Variants in TSHZ2 observed in about 807,000 individuals in gnomAD.
TSHZ2 encodes teashirt zinc finger homeobox 2.
TSHZ2 carries 21 observed loss-of-function variants against 74.4 expected under a neutral mutation model. The ratio of observed to expected loss-of-function variants is 0.28; its 90% CI spans 0.20 to 0.41. The LOEUF (loss-of-function observed/expected upper bound fraction) is 0.41. Ranked by LOEUF, TSHZ2 falls within the 10% of genes least tolerant of loss-of-function variation. The pLI is 1.00. For synonymous variants in TSHZ2, 540 were observed against 515.3 expected, an observed-to-expected ratio of 1.05 and a Z score of -0.65; for missense variants, 1,244 against 1,293.5, an observed-to-expected ratio of 0.96 and a Z score of 0.59.
intron 2 of TSHZ2, among the ~76,000 whole-genome samples, chr20:53,439,695 T>C (rs898247206): frequency 2.6e-5 from 4 of 152,140 alleles, no homozygotes; most frequent in African/African-American, 9.7e-5. Flanking sequence ...AAGATATGAG[T>C]TGGAAGCGCT....
chr20:53,485,071 A>G (rs973505322), intron 2 of TSHZ2, among the ~76,000 whole-genome samples: 8 of 152,234 alleles, frequency 5.3e-5, no homozygotes, highest in African/African-American at 1.9e-4. Flanking sequence ...AATCCAGAGC[A>G]AAGTTCTTGG....
At position 53,170,395 on chromosome 20, in the gene TSHZ2, G is replaced by T. The variant is rs78464603; in HGVS notation, c.41-83104G>T. Among the ~76,000 whole-genome samples the T allele has an allele frequency of 6.4e-3, 971 of 152,306 alleles. 11 individuals are homozygous for T. The highest frequency in any genetic ancestry group is 0.023 in the African/African-American group (945 of 41,562). On this transcript the variant is annotated intron_variant, in intron 1 of 2. Transcript: ENST00000371497. The stretch of plus-strand genomic sequence containing the variant: ...TACAGTTTTGTATTTCCTAGCAAGC[G>T]TATGCCAAAATCTGAGTCTGCTTCC...
intron 1 of TSHZ2, among the ~76,000 whole-genome samples, chr20:53,154,356 A>C (rs6097261): frequency 0.085 from 12,966 of 152,242 alleles, 1,411 homozygotes; most frequent in African/African-American, 0.26. Flanking sequence ...CATTAGAAAT[A>C]AGTGTCTTTT....
intron 1 of TSHZ2, among the ~76,000 whole-genome samples, chr20:53,096,922 CAAAACAAAAACAAAAAACAA>C (rs1986069218): frequency 6.6e-6 from 1 of 150,598 alleles, no homozygotes; most frequent in Non-Finnish European, 1.5e-5. Context: ...AAACAAAAAA[CAAAACAAAAACAAAAAACAA>C]AAAACAAAAA....
intron 1 of TSHZ2, among the ~76,000 whole-genome samples, chr20:53,022,513 C>T (rs1218514222): frequency 6.6e-6 from 1 of 152,174 alleles, no homozygotes; most frequent in East Asian, 1.9e-4. Context: ...CTTGTACATG[C>T]AGAATGCCTG....
At chr20:53,285,721 GA>G (rs11421719) in intron 2 of TSHZ2, among the ~76,000 whole-genome samples, 1 of 147,910 alleles carries the variant, frequency 6.8e-6, no homozygotes, top group Non-Finnish European at 1.5e-5. Context: ...CATCTCAAGA[GA>G]AAAAAAAAAG....
At chr20:53,345,825 G>C (rs1242666886) in intron 2 of TSHZ2, among the ~76,000 whole-genome samples, 1 of 151,320 alleles carries the variant, frequency 6.6e-6, no homozygotes, top group Non-Finnish European at 1.5e-5. Flanking sequence ...AGGCGGTGGC[G>C]TGATCACGTG....
At chr20:53,418,052 G>C (rs1417292198) in intron 2 of TSHZ2, among the ~76,000 whole-genome samples, 1 of 152,230 alleles carries the variant, frequency 6.6e-6, no homozygotes, top group Non-Finnish European at 1.5e-5. Context: ...CGCCATAAGA[G>C]TGGCTGTGGC....
rs1047030265 is a variant in TSHZ2, at chr20:53,488,948, T to C, written c.*1813T>C. ...TGCATAACCTAGATGGGAAAAAATA[T>C]GGCGCTTCGGGGAAGGAGGGAAAAA... On this transcript the variant is annotated 3_prime_UTR_variant, in exon 3 of 3. Coordinates refer to ENST00000371497, the MANE Select transcript of TSHZ2 (RefSeq NM_173485.6). The C allele has an allele frequency of 4.4e-6, 2 of 455,310 alleles. No homozygotes were observed. The highest frequency in any genetic ancestry group is 3.1e-5 in the South Asian group (2 of 64,532). 28.2% of individuals were successfully genotyped at this position (455,310 alleles called of 1,614,324 possible).
At chr20:53,408,583 G>C (rs1235111587) in intron 2 of TSHZ2, among the ~76,000 whole-genome samples, 4 of 151,964 alleles carry the variant, frequency 2.6e-5, no homozygotes, top group Admixed American at 6.5e-5. Flanking sequence ...GAAATCCATC[G>C]ATTTCCAAAT....
chr20:53,264,620 A>G (rs574689234), intron 2 of TSHZ2, among the ~76,000 whole-genome samples: 3 of 152,358 alleles, frequency 2.0e-5, no homozygotes, highest in African/African-American at 7.2e-5. Context: ...CTTTAGCCCA[A>G]ATATATGCCT....
intron 2 of TSHZ2, among the ~76,000 whole-genome samples, chr20:53,437,988 CTCTTT>C (rs1223973556): frequency 6.6e-6 from 1 of 152,190 alleles, no homozygotes; most frequent in Non-Finnish European, 1.5e-5. Context: ...CAAAATAAAC[CTCTTT>C]TCTTTCTAAA....
At chr20:53,185,303 C>G in intron 1 of TSHZ2, 1 of 1,047,950 alleles carries the variant, frequency 9.5e-7, no homozygotes, top group Non-Finnish European at 1.2e-6. Flanking sequence ...CTAGAACACA[C>G]CCGACATGTA....
chr20:52,999,392 G>A (rs1982326157), intron 1 of TSHZ2, among the ~76,000 whole-genome samples: 1 of 152,192 alleles, frequency 6.6e-6, no homozygotes, highest in Admixed American at 6.5e-5. Context: ...GGGTGGCAAA[G>A]GGAGGGAAGG....
At chr20:53,272,591 A>G (rs1276190841) in intron 2 of TSHZ2, among the ~76,000 whole-genome samples, 3 of 152,232 alleles carry the variant, frequency 2.0e-5, no homozygotes, top group Admixed American at 2.0e-4. Flanking sequence ...TCAAATACAT[A>G]AAAGTACACA....
chr20:53,058,575 G>A (rs941785142), intron 1 of TSHZ2, among the ~76,000 whole-genome samples: 6 of 152,170 alleles, frequency 3.9e-5, no homozygotes, highest in Admixed American at 6.5e-5. Context: ...AGCTGACCCC[G>A]TTAGTTGTTC....
At chr20:53,068,187 G>A (rs926414673) in intron 1 of TSHZ2, among the ~76,000 whole-genome samples, 3 of 152,206 alleles carry the variant, frequency 2.0e-5, no homozygotes, top group African/African-American at 7.2e-5. Flanking sequence ...TCATATTCAC[G>A]GGTACCAGGG....
intron 2 of TSHZ2, among the ~76,000 whole-genome samples, chr20:53,426,789 G>A (rs190826776): frequency 1.4e-3 from 212 of 152,312 alleles, no homozygotes; most frequent in Admixed American, 2.7e-3. Flanking sequence ...TGGAGGGGAA[G>A]CTCATACATC....
chr20:53,300,725 A>G (rs565170712), intron 2 of TSHZ2, among the ~76,000 whole-genome samples: 20 of 152,278 alleles, frequency 1.3e-4, no homozygotes, highest in Non-Finnish European at 2.2e-4. Flanking sequence ...AAGTGGTCAA[A>G]CACTCCAGTT....
Sources: gnomAD v4.1 joint callset for allele counts (sites outside exome capture counted in the v4.1 genomes callset) on GRCh38, gnomAD v4.1.1 for gene constraint, MANE v1.5 for transcripts, NCBI Gene and HGNC (gene_info 2026-07-23, HGNC 2026-07-21) for gene names.